HAPSTR1: variants seen among roughly 807,000 people sequenced by gnomAD.
HAPSTR1 encodes HUWE1-associated protein modifying stress responses 1.
At chr16:9,094,869 G>C in the HAPSTR1 span, among the ~76,000 whole-genome samples, 1 of 152,128 alleles carries the variant, frequency 6.6e-6, no homozygotes, top group Admixed American at 6.5e-5. Flanking sequence ...GGTCCTGTTG[G>C]GTTCTTGTAG....
chr16:9,097,201 T>C, the HAPSTR1 span, among the ~76,000 whole-genome samples: 1 of 151,458 alleles, frequency 6.6e-6, no homozygotes, highest in Non-Finnish European at 1.5e-5. Context: ...TGGCCTCCCA[T>C]AATGGTGGGA....
At chr16:9,091,853 C>T in the HAPSTR1 span, 2 of 415,612 alleles carry the variant, frequency 4.8e-6, no homozygotes, top group South Asian at 1.2e-4. Context: ...GGGGGTCGTC[C>T]CTGGTTGCAC....
At chr16:9,100,580 C>CTGGA in the HAPSTR1 span, among the ~76,000 whole-genome samples, 1 of 152,084 alleles carries the variant, frequency 6.6e-6, no homozygotes, top group Non-Finnish European at 1.5e-5. Context: ...TTCGCCCAGG[C>CTGGA]TGGAGTGAAG....
At chr16:9,095,088 A>G in the HAPSTR1 span, among the ~76,000 whole-genome samples, 1 of 152,228 alleles carries the variant, frequency 6.6e-6, no homozygotes, top group Non-Finnish European at 1.5e-5. Context: ...TTCTTGGATT[A>G]TTGTAAATGC....
chr16:9,105,294 A>C, the HAPSTR1 span: 1 of 152,248 alleles, frequency 6.6e-6, no homozygotes, highest in Admixed American at 6.5e-5. Flanking sequence ...ATAAATTTAT[A>C]ATGTAGCACT....
chr16:9,114,881 C>G, the HAPSTR1 span, among the ~76,000 whole-genome samples: 2 of 152,170 alleles, frequency 1.3e-5, no homozygotes, highest in Admixed American at 1.3e-4. Context: ...TGACATAGTA[C>G]CTGACACAGG....
the HAPSTR1 span, chr16:9,102,888 A>C: frequency 4.6e-6 from 6 of 1,295,024 alleles, no homozygotes; most frequent in Non-Finnish European, 6.4e-6. Flanking sequence ...ACATCATGGT[A>C]TTCACTTTGG....
the HAPSTR1 span, chr16:9,093,010 A>G: frequency 3.7e-6 from 6 of 1,606,724 alleles, no homozygotes; most frequent in Non-Finnish European, 3.4e-6. Context: ...AGGTAAAGAT[A>G]ACCTTGCTGC....
the HAPSTR1 span, chr16:9,117,128 A>G: frequency 4.7e-6 from 3 of 637,852 alleles, no homozygotes; most frequent in South Asian, 4.2e-5. Context: ...AGCAGAGGAC[A>G]TCAGATATTG....
the HAPSTR1 span, among the ~76,000 whole-genome samples, chr16:9,092,527 G>T: frequency 4.0e-5 from 6 of 151,892 alleles, no homozygotes; most frequent in Non-Finnish European, 5.9e-5. Context: ...CCGCTCTCCG[G>T]GCCCGGCCAC....
the HAPSTR1 span, chr16:9,106,236 C>G: frequency 6.6e-6 from 1 of 151,822 alleles, no homozygotes; most frequent in African/African-American, 2.4e-5. Flanking sequence ...TGGTGAAACC[C>G]TCTCCCTATT....
the HAPSTR1 span, chr16:9,092,812 C>T: frequency 8.6e-7 from 1 of 1,156,670 alleles, no homozygotes; most frequent in Non-Finnish European, 1.2e-6. Context: ...CTAATATGGC[C>T]GTTCCGGAGT....
At chr16:9,102,167 C>T in the HAPSTR1 span, among the ~76,000 whole-genome samples, 2 of 152,164 alleles carry the variant, frequency 1.3e-5, no homozygotes, top group South Asian at 2.1e-4. Context: ...GAAATGTACA[C>T]AGTATTGTTG....
chr16:9,113,423 A>G, the HAPSTR1 span, among the ~76,000 whole-genome samples: 2 of 152,298 alleles, frequency 1.3e-5, no homozygotes, highest in Admixed American at 1.3e-4. Flanking sequence ...CTTCTTTTTC[A>G]TGGAGAATGG....
At chr16:9,116,838 A>G in the HAPSTR1 span, 1 of 1,614,230 alleles carries the variant, frequency 6.2e-7, no homozygotes, top group Non-Finnish European at 8.5e-7. Context: ...TGGTGGAACT[A>G]GAAAGCGTAC....
At chr16:9,118,032 TTAGG>T in the HAPSTR1 span, 1 of 152,660 alleles carries the variant, frequency 6.6e-6, no homozygotes, top group South Asian at 2.1e-4. Context: ...TCTCTAGCTG[TTAGG>T]TAGACCTAAA....
At chr16:9,116,436 T>A in the HAPSTR1 span, among the ~76,000 whole-genome samples, 40 of 152,166 alleles carry the variant, frequency 2.6e-4, no homozygotes, top group African/African-American at 9.2e-4. Flanking sequence ...GTAGTAACTT[T>A]TAGTAATTGG....
At chr16:9,093,051 CA>C in the HAPSTR1 span, 45 of 1,526,622 alleles carry the variant, frequency 2.9e-5, no homozygotes, top group Non-Finnish European at 4.0e-5. Flanking sequence ...CCGCCTGCGT[CA>C]GGGTGTCTGC....
chr16:9,094,654 C>G, the HAPSTR1 span, among the ~76,000 whole-genome samples: 5 of 152,248 alleles, frequency 3.3e-5, no homozygotes, highest in South Asian at 6.2e-4. Context: ...ATAAGGTTCA[C>G]CCATCGAGTT....
Sources: gnomAD v4.1 joint callset for allele counts (sites outside exome capture counted in the v4.1 genomes callset) on GRCh38, gnomAD v4.1.1 for gene constraint, MANE v1.5 for transcripts, NCBI Gene and HGNC (gene_info 2026-07-23, HGNC 2026-07-21) for gene names.